The following ABTB2 variants were observed in gnomAD, a reference collection of about 807,000 sequenced individuals.
ABTB2 encodes the protein ankyrin repeat and BTB/POZ domain-containing protein 2.
A neutral mutation model predicts 104.1 loss-of-function variants in ABTB2; 56 were observed. That is an observed-to-expected ratio of 0.54 (90% confidence interval 0.43 to 0.67). ABTB2 has a LOEUF of 0.67. Among genes scored for constraint, ABTB2 ranks in the 30% least tolerant of loss-of-function variants. ABTB2 has a pLI of 0.00. For synonymous variants in ABTB2, 606 were observed against 608.2 expected, an observed-to-expected ratio of 1.00 and a Z score of 0.05; for missense variants, 1,279 against 1,407.7, an observed-to-expected ratio of 0.91 and a Z score of 1.46.
chr11:34,157,040 C>A (rs1479389809), intron 14 of ABTB2, among the ~76,000 whole-genome samples: 2 of 152,174 alleles, frequency 1.3e-5, no homozygotes, highest in African/African-American at 4.8e-5. Flanking sequence ...ATGATCCACA[C>A]ACCCCCACCC....
At chr11:34,234,009 C>T (rs1452949757) in intron 1 of ABTB2, among the ~76,000 whole-genome samples, 1 of 152,140 alleles carries the variant, frequency 6.6e-6, no homozygotes, top group African/African-American at 2.4e-5. Flanking sequence ...TTTGAATTGT[C>T]AGCTTGATCC....
chr11:34,166,167 C>G (rs563859772), intron 7 of ABTB2, among the ~76,000 whole-genome samples: 1 of 152,370 alleles, frequency 6.6e-6, no homozygotes, highest in South Asian at 2.1e-4. Context: ...CTCCTGAAGA[C>G]CAAAGCTTCC....
chr11:34,302,888 AG>A (rs1224457591), intron 1 of ABTB2, among the ~76,000 whole-genome samples: 5 of 152,216 alleles, frequency 3.3e-5, no homozygotes, highest in African/African-American at 1.2e-4. Context: ...CAAAGTCCCC[AG>A]TTATAAATGG....
At chr11:34,223,132 T>G (rs987880490) in intron 1 of ABTB2, among the ~76,000 whole-genome samples, 1 of 152,132 alleles carries the variant, frequency 6.6e-6, no homozygotes, top group Non-Finnish European at 1.5e-5. Context: ...AAACGTCACA[T>G]GGACAAGCGG....
intron 1 of ABTB2, among the ~76,000 whole-genome samples, chr11:34,217,025 C>T (rs183472309): frequency 2.6e-5 from 4 of 152,300 alleles, no homozygotes; most frequent in Non-Finnish European, 5.9e-5. Context: ...AATTTCTGCA[C>T]GAGCCACCCC....
At chr11:34,157,301 C>T (rs537209955) in intron 14 of ABTB2, among the ~76,000 whole-genome samples, 1 of 152,340 alleles carries the variant, frequency 6.6e-6, no homozygotes, top group African/African-American at 2.4e-5. Context: ...CAGAACTTGG[C>T]AAGAGGCCCA....
At position 34,161,060 on chromosome 11, in the gene ABTB2, A is replaced by G. The variant is rs1852714232; in HGVS notation, c.2240T>C (p.Ile747Thr). ...CGAGGTCCTCAGAGACTCGATCCAG[A>G]TGTGCAGCTTCCAGGGGACTCCTGG... ...RALGVPWKLH[I>T]WIESLRTSFS... The change falls in exon 11 of 17, where the codon ATC (isoleucine) becomes ACC (threonine). Residue 747 changes from isoleucine (I) to threonine (T), a missense_variant. Ile to Thr is a moderately conservative substitution (Grantham distance 89, BLOSUM62 -1). Coordinates refer to ENST00000435224, the MANE Select transcript of ABTB2 (RefSeq NM_145804.3). The G allele has an allele frequency of 6.2e-7, 1 of 1,610,672 alleles. No homozygotes were observed. Among genetic ancestry groups the G allele is most frequent in the African/African-American group, 1.3e-5 (1 of 74,668 alleles).
intron 1 of ABTB2, among the ~76,000 whole-genome samples, chr11:34,246,959 T>C (rs1853992978): frequency 6.6e-6 from 1 of 151,444 alleles, no homozygotes; most frequent in African/African-American, 2.4e-5. Context: ...GCAATTCTCC[T>C]GCCTCAGCCT....
Position 34,161,096 on chromosome 11 carries a change from G to A in ABTB2, c.2219-15C>T. On this transcript the variant is annotated splice_polypyrimidine_tract_variant and intron_variant, in intron 10 of 16. Transcript: ENST00000435224. ...CCAGGGGACTCCTGGTCCAGGCAGG[G>A]AAGGGCAGGCAGTCACGCACCACAG... 6.3e-7 allele frequency: 1 copy of A among 1,595,484 alleles called. No individual in the cohort carries two copies.
chr11:34,315,617 C>T (rs1223415670), intron 1 of ABTB2, among the ~76,000 whole-genome samples: 2 of 152,202 alleles, frequency 1.3e-5, no homozygotes, highest in Non-Finnish European at 2.9e-5. Context: ...TCCTCCCCTG[C>T]CCCAATCATA....
intron 1 of ABTB2, among the ~76,000 whole-genome samples, chr11:34,327,043 A>G (rs944533646): frequency 1.3e-5 from 2 of 152,208 alleles, no homozygotes; most frequent in Non-Finnish European, 2.9e-5. Flanking sequence ...CCACTACACT[A>G]TAGCCTGGGC....
intron 3 of ABTB2, among the ~76,000 whole-genome samples, chr11:34,176,238 C>A (rs970836958): frequency 6.9e-6 from 1 of 145,668 alleles, no homozygotes; most frequent in African/African-American, 2.5e-5. Flanking sequence ...CGAGATCATG[C>A]CACTGCACTC....
At chr11:34,348,564 G>A (rs1181326689) in intron 1 of ABTB2, among the ~76,000 whole-genome samples, 1 of 152,064 alleles carries the variant, frequency 6.6e-6, no homozygotes, top group Admixed American at 6.5e-5. Context: ...AGCTCTACCT[G>A]CCCAAATCAC....
chr11:34,259,280 C>T (rs1020500428), intron 1 of ABTB2, among the ~76,000 whole-genome samples: 5 of 152,118 alleles, frequency 3.3e-5, no homozygotes, highest in South Asian at 4.1e-4. Context: ...CAAGTCTGAA[C>T]GAGGCCTGGC....
At chr11:34,206,127 A>G (rs1485956870) in intron 1 of ABTB2, among the ~76,000 whole-genome samples, 2 of 152,216 alleles carry the variant, frequency 1.3e-5, no homozygotes, top group Admixed American at 1.3e-4. Flanking sequence ...TGGGAGGCTG[A>G]GGTGGGTAAA....
intron 1 of ABTB2, among the ~76,000 whole-genome samples, chr11:34,247,228 AC>A (rs1853996552): frequency 6.6e-6 from 1 of 152,164 alleles, no homozygotes; most frequent in African/African-American, 2.4e-5. Context: ...AGCCACCGCT[AC>A]AGGTTCCTCA....
At chr11:34,282,516 T>C (rs991733771) in intron 1 of ABTB2, among the ~76,000 whole-genome samples, 5 of 152,054 alleles carry the variant, frequency 3.3e-5, no homozygotes, top group South Asian at 4.2e-4. Context: ...AACGTACTTT[T>C]CTTTTTTCTT....
chr11:34,336,334 C>A (rs760961659), intron 1 of ABTB2, among the ~76,000 whole-genome samples: 47 of 152,118 alleles, frequency 3.1e-4, no homozygotes, highest in Non-Finnish European at 4.9e-4. Context: ...GATTAAAAAA[C>A]AAATAGGTTG....
At chr11:34,165,174 C>A (rs538611383) in intron 8 of ABTB2, 86 bp downstream of exon 8, 5 of 1,263,764 alleles carry the variant, frequency 4.0e-6, no homozygotes, top group Admixed American at 2.5e-5. Flanking sequence ...GCTAAAGAGA[C>A]CCCTGCACGT....
Sources: allele counts gnomAD v4.1 joint callset (sites outside exome capture counted in the v4.1 genomes callset), GRCh38; gene constraint gnomAD v4.1.1; transcripts MANE v1.5; gene names NCBI Gene and HGNC (gene_info 2026-07-23, HGNC 2026-07-21).